The following POC1B variants were observed in gnomAD, a reference collection of about 807,000 sequenced individuals.
POC1B encodes the protein POC1 centriolar protein B.
A neutral mutation model predicts 60.6 loss-of-function variants in POC1B; 44 were observed. The ratio of observed to expected loss-of-function variants is 0.73; its 90% CI spans 0.57 to 0.93. The LOEUF is 0.93. Ranked by LOEUF, POC1B falls within the 40% of genes least tolerant of loss-of-function variation. POC1B has a pLI of 0.00. For synonymous variants in POC1B, 180 were observed against 198.9 expected (o/e 0.90, Z 0.80); for missense variants, 555 against 572.3 (o/e 0.97, Z 0.31).
chr12:89,500,387 T>G lies in POC1B; in HGVS notation c.101-3045A>C. On this transcript the variant is annotated intron_variant, in intron 2 of 11. Coordinates refer to ENST00000313546, the MANE Select transcript of POC1B (RefSeq NM_172240.3). The stretch of plus-strand genomic sequence containing the variant: ...AAGGAAGAAAGAAGCCTCTCTGCAG[T>G]TTGTTGTAGAACCAAGTGAAGCCAC... The G allele has an allele frequency of 2.1e-5, 32 of 1,505,406 alleles. No homozygotes were observed. In the South Asian group the frequency reaches 3.6e-4, roughly 17 times the overall value. 93.3% of individuals were successfully genotyped at this position (1,505,406 alleles called of 1,614,324 possible).
At chr12:89,422,241 GCCACTAT>G (rs746814677) in intron 11 of POC1B, among the ~76,000 whole-genome samples, 10 of 152,086 alleles carry the variant, frequency 6.6e-5, no homozygotes, top group Non-Finnish European at 1.3e-4. Flanking sequence ...CTCTGTAACA[GCCACTAT>G]CCTGACCTTT....
intron 10 of POC1B, among the ~76,000 whole-genome samples, chr12:89,440,719 G>A (rs908574546): frequency 4.6e-5 from 7 of 152,158 alleles, no homozygotes; most frequent in African/African-American, 1.7e-4. Flanking sequence ...CGCAGAAGAC[G>A]GGTGACTTCT....
chr12:89,438,517 C>A (rs1350995681), intron 10 of POC1B, among the ~76,000 whole-genome samples: 1 of 152,210 alleles, frequency 6.6e-6, no homozygotes, highest in Non-Finnish European at 1.5e-5. Flanking sequence ...ATAATCTCCA[C>A]CAAATTATCA....
chr12:89,510,046 A>AGCATATT (rs988014236), intron 2 of POC1B, among the ~76,000 whole-genome samples: 1 of 152,076 alleles, frequency 6.6e-6, no homozygotes, highest in African/African-American at 2.4e-5. Flanking sequence ...ACAGGGTTTC[A>AGCATATT]GCATATTGTC....
chr12:89,448,692 G>T (rs551362514), intron 10 of POC1B, among the ~76,000 whole-genome samples: 1 of 152,290 alleles, frequency 6.6e-6, no homozygotes, highest in East Asian at 1.9e-4. Flanking sequence ...ACACAATTAG[G>T]CTTGAACAAC....
intron 10 of POC1B, among the ~76,000 whole-genome samples, chr12:89,434,321 T>G (rs1881161955): frequency 6.6e-6 from 1 of 152,214 alleles, no homozygotes; most frequent in Admixed American, 6.5e-5. Context: ...AGCTATCAAC[T>G]GAAATATCCA....
At chr12:89,461,249 A>G (rs1015436188) in intron 9 of POC1B, 1 of 152,222 alleles carries the variant, frequency 6.6e-6, no homozygotes, top group African/African-American at 2.4e-5. Flanking sequence ...TGGCTTAGAC[A>G]GTGAGAAAGA....
intron 4 of POC1B, among the ~76,000 whole-genome samples, chr12:89,486,962 C>T (rs960169409): frequency 6.6e-6 from 1 of 152,016 alleles, no homozygotes; most frequent in Non-Finnish European, 1.5e-5. Flanking sequence ...CTCTATAATA[C>T]TTTCAGGTAT....
chr12:89,419,365 T>C (rs906325432), downstream of POC1B, among the ~76,000 whole-genome samples: 52 of 152,178 alleles, frequency 3.4e-4, no homozygotes, highest in Non-Finnish European at 1.9e-4. Context: ...ATTGAGTCTG[T>C]TGAAAAAGTT....
chr12:89,421,207 T>C lies in POC1B; in HGVS notation c.1383A>G (p.Lys461=). 5 of 1,604,112 alleles carry C rather than the reference T, an allele frequency of 3.1e-6. No homozygotes were observed. Among genetic ancestry groups the C allele is most frequent in the Non-Finnish European group, 4.3e-6 (5 of 1,172,324 alleles). The stretch of plus-strand genomic sequence containing the variant: ...GCTTTTGCTGATTTTCAAGGCAGTC[T>C]TTCAGCTTATCCTCTGTCAAAGTCA... ...QRLTLTEDKL[K]DCLENQQKLF... is the part of the protein sequence containing the mutation. Residue 461 remains lysine (K), a synonymous_variant, in exon 12 of 12, where the codon AAA becomes AAG. Coordinates refer to ENST00000313546, the MANE Select transcript of POC1B (RefSeq NM_172240.3).
chr12:89,440,096 T>C (rs894521466), intron 10 of POC1B, among the ~76,000 whole-genome samples: 1 of 152,232 alleles, frequency 6.6e-6, no homozygotes, highest in African/African-American at 2.4e-5. Context: ...ACGTTCATTT[T>C]TGTGAAATGA....
chr12:89,444,960 T>C (rs1411745990), intron 10 of POC1B, among the ~76,000 whole-genome samples: 1 of 151,960 alleles, frequency 6.6e-6, no homozygotes, highest in East Asian at 1.9e-4. Flanking sequence ...TATATACCAA[T>C]AACAGACAAA....
chr12:89,418,309 T>C (rs1592570577), downstream of POC1B, among the ~76,000 whole-genome samples: 1 of 151,540 alleles, frequency 6.6e-6, no homozygotes, highest in Non-Finnish European at 1.5e-5. Context: ...GGCCAGAGGG[T>C]GGTGAGTGAG....
At chr12:89,422,586 T>G (rs1347871471) in intron 11 of POC1B, among the ~76,000 whole-genome samples, 2 of 152,216 alleles carry the variant, frequency 1.3e-5, no homozygotes, top group Admixed American at 1.3e-4. Context: ...ATTCTCTGAT[T>G]AGAAGGCAGA....
chr12:89,515,919 G>C (rs920289248), intron 2 of POC1B, among the ~76,000 whole-genome samples: 11 of 151,880 alleles, frequency 7.2e-5, no homozygotes, highest in Non-Finnish European at 1.6e-4. Flanking sequence ...TCAATCCCTT[G>C]ACTCTCCCTC....
chr12:89,522,727 A>C, intron 2 of POC1B: 5 of 1,492,654 alleles, frequency 3.3e-6, no homozygotes, highest in Non-Finnish European at 4.5e-6. Context: ...TTTTGATAAA[A>C]TAAAATACAA....
chr12:89,452,983 T>G (rs1173183822), intron 10 of POC1B, among the ~76,000 whole-genome samples: 2 of 152,048 alleles, frequency 1.3e-5, no homozygotes, highest in Non-Finnish European at 2.9e-5. Flanking sequence ...TTGCAAATAG[T>G]CTCTTTCCAG....
intron 2 of POC1B, chr12:89,502,397 C>A (rs2135748577): frequency 2.6e-6 from 4 of 1,545,446 alleles, no homozygotes; most frequent in East Asian, 4.5e-5. Flanking sequence ...GGAAGGCCAT[C>A]AGGAGGATTC....
chr12:89,406,759 C>T, the POC1B span, among the ~76,000 whole-genome samples: 3 of 151,704 alleles, frequency 2.0e-5, no homozygotes, highest in Admixed American at 6.6e-5. Flanking sequence ...TGGAGGTTAT[C>T]GCCATGGGAA....
Sources: gnomAD v4.1 joint callset for allele counts (sites outside exome capture counted in the v4.1 genomes callset) on GRCh38, gnomAD v4.1.1 for gene constraint, MANE v1.5 for transcripts, NCBI Gene and HGNC (gene_info 2026-07-23, HGNC 2026-07-21) for gene names.